The following SLC41A3 variants were observed in gnomAD, a reference collection of about 807,000 sequenced individuals.
The protein encoded by SLC41A3 is solute carrier family 41 member 3.
Under a neutral mutation model 45.4 loss-of-function variants are expected in SLC41A3, and 44 were observed. The observed-to-expected ratio is 0.97, with a 90% CI of 0.76 to 1.25. SLC41A3 has a LOEUF of 1.25. SLC41A3 is among the 50% of genes most tolerant of loss of function. The pLI is 0.00. For synonymous variants in SLC41A3, 256 were observed against 252.4 expected (o/e 1.01, Z -0.13); for missense variants, 550 against 600.6 (o/e 0.92, Z 0.88).
chr3:126,042,134 C>T (rs1942633680), intron 3 of SLC41A3, among the ~76,000 whole-genome samples: 1 of 152,164 alleles, frequency 6.6e-6, no homozygotes, highest in African/African-American at 2.4e-5. Flanking sequence ...ACAGTTTGGA[C>T]ATTAGGATGA....
At chr3:126,084,916 C>G (rs1945343052), upstream of SLC41A3, among the ~76,000 whole-genome samples, 1 of 152,212 alleles carries the variant, frequency 6.6e-6, no homozygotes, top group Non-Finnish European at 1.5e-5. Context: ...CTCATTATCC[C>G]TCTCCTGCAT....
chr3:126,008,810 G>A lies in SLC41A3; in HGVS notation c.1176C>T (p.Ile392=), dbSNP rs535093773. The A allele has an allele frequency of 6.2e-7, 1 of 1,614,188 alleles. No individual in the cohort carries two copies. The highest frequency in any genetic ancestry group is 1.1e-5 in the South Asian group (1 of 91,082). ...CTGACTGACCCTCCACCAGGTAGATGATGTAGAAGAAAATCAGATGGCCTG... is the reference window on the plus strand; with the variant it reads ...CTGACTGACCCTCCACCAGGTAGATAATGTAGAAGAAAATCAGATGGCCTG... The part of the protein sequence containing the change: ...VVPGHLIFFY[I]IYLVEGQSVI... The change falls in exon 10 of 11, where the codon ATC becomes ATT. Residue 392 remains isoleucine, a synonymous_variant. Transcript: ENST00000360370.
rs76345248 is a variant in SLC41A3 at position 126,058,587 on chromosome 3, C to T, written c.274-7537G>A. 6.3e-3 allele frequency among the ~76,000 whole-genome samples: 956 copies of T among 152,306 alleles called. 8 individuals carry two copies. Among genetic ancestry groups the T allele is most frequent in the African/African-American group, 0.022 (905 of 41,568 alleles). Reference sequence around the variant, plus strand: ...GCTGTCCCCCACTCCTGCCCACAGACGCTGCCTTCACCACGGCCCTTTGTC... The same window carrying T: ...GCTGTCCCCCACTCCTGCCCACAGATGCTGCCTTCACCACGGCCCTTTGTC... On this transcript the variant is annotated intron_variant, in intron 2 of 10. Transcript: ENST00000360370.
At chr3:126,099,749 T>G (rs955066003) in intron 1 of SLC41A3, among the ~76,000 whole-genome samples, 1 of 152,196 alleles carries the variant, frequency 6.6e-6, no homozygotes, top group Admixed American at 6.5e-5. Context: ...TGGGAATCAT[T>G]GTTTTAACTC....
intron 8 of SLC41A3, among the ~76,000 whole-genome samples, chr3:126,015,284 G>T (rs1559809442): frequency 6.6e-6 from 1 of 152,180 alleles, no homozygotes; most frequent in African/African-American, 2.4e-5. Flanking sequence ...GAGCTGCTGC[G>T]AACAGTGTGT....
chr3:126,036,412 C>T (rs1942194897), intron 3 of SLC41A3, among the ~76,000 whole-genome samples: 5 of 152,128 alleles, frequency 3.3e-5, no homozygotes, highest in Admixed American at 2.6e-4. Context: ...GGTGTATGAC[C>T]CCTGCACCCT....
At chr3:126,092,582 C>A in intron 1 of SLC41A3, 2 of 153,004 alleles carry the variant, frequency 1.3e-5, no homozygotes, top group South Asian at 3.7e-4. Context: ...GGGTTAGAGT[C>A]TCCCCGACTG....
At chr3:126,033,010 G>C (rs13077514) in intron 4 of SLC41A3, among the ~76,000 whole-genome samples, 43,625 of 151,918 alleles carry the variant, frequency 0.29, 6,418 homozygotes, top group African/African-American at 0.33. Flanking sequence ...TCCTAACTTA[G>C]TGACACTCTG....
intron 2 of SLC41A3, 21 bp downstream of exon 2, chr3:126,067,926 C>T: frequency 6.4e-7 from 1 of 1,564,828 alleles, no homozygotes; most frequent in Non-Finnish European, 8.7e-7. Context: ...CGCTCCCTGT[C>T]CCCATTTAGT....
chr3:126,095,321 G>T, intron 1 of SLC41A3: 1 of 612,790 alleles, frequency 1.6e-6, no homozygotes, highest in African/African-American at 1.9e-5. Flanking sequence ...ATGCTCAGGA[G>T]GACCCCAACT....
Position 126,074,582 on chromosome 3 carries a change from A to G in SLC41A3, c.-27-6336T>C, listed in dbSNP as rs370115225. On this transcript the variant is annotated intron_variant, in intron 1 of 10. Coordinates refer to ENST00000360370, the MANE Select transcript of SLC41A3 (RefSeq NM_017836.4). ...ACACAAACTATTACAGCCAGTAAAC[A>G]AGTTCAGCAAGGTGTAGGACTGGAG... Among the ~76,000 whole-genome samples, 4 of 152,314 alleles carry G rather than the reference A, an allele frequency of 2.6e-5. No individual in the cohort carries two copies. The South Asian group carries it at 6.2e-4, about 24-fold the overall frequency.
chr3:126,053,076 G>A (rs577561964), intron 2 of SLC41A3, among the ~76,000 whole-genome samples: 7 of 152,232 alleles, frequency 4.6e-5, no homozygotes, highest in Admixed American at 1.3e-4. Context: ...TCACACAACC[G>A]TGACGGGACT....
chr3:126,041,546 A>G (rs1007029248), intron 3 of SLC41A3, among the ~76,000 whole-genome samples: 2 of 152,248 alleles, frequency 1.3e-5, no homozygotes, highest in African/African-American at 4.8e-5. Flanking sequence ...GAAGATACTG[A>G]AAGTATAACT....
chr3:126,017,549 G>A (rs1213601928), intron 6 of SLC41A3, among the ~76,000 whole-genome samples: 2 of 152,204 alleles, frequency 1.3e-5, no homozygotes, highest in African/African-American at 4.8e-5. Context: ...TGACACACTC[G>A]GGCATCTCGT....
Position 126,007,306 on chromosome 3 carries a change from GGA to G in SLC41A3, c.1255-83_1255-82del, listed in dbSNP as rs1234773235. On this transcript the variant is annotated intron_variant, in intron 10 of 10. Transcript: ENST00000360370. ...GCAGGAAGCACTAGCTGAGGCTCAAGGAGAGATACCAAGGTGGACAGGTCAAC... is the reference window on the plus strand; with the variant it reads ...GCAGGAAGCACTAGCTGAGGCTCAAGGAGATACCAAGGTGGACAGGTCAAC... The G allele has an allele frequency of 6.8e-6, 10 of 1,465,642 alleles. No individual in the cohort carries two copies. In the African/African-American group the frequency reaches 1.4e-4, roughly 21 times the overall value. The allele number at this position is 1,465,642 out of a possible 1,614,324, so 90.8% of individuals were successfully genotyped here.
chr3:126,016,908 G>A (rs113587211), intron 6 of SLC41A3, 33 bp from the exon 7 acceptor site: 43,918 of 1,604,382 alleles, frequency 0.027, 755 homozygotes, highest in Non-Finnish European at 0.032. Context: ...CGCAGCTCAT[G>A]TGGCCAAGGC....
intron 3 of SLC41A3, among the ~76,000 whole-genome samples, chr3:126,035,235 C>A (rs116323409): frequency 6.6e-6 from 1 of 152,208 alleles, no homozygotes. Context: ...TCCAAAAACT[C>A]GGAGGCTTGG....
At chr3:126,096,983 G>T (rs1945616171) in intron 1 of SLC41A3, among the ~76,000 whole-genome samples, 1 of 152,212 alleles carries the variant, frequency 6.6e-6, no homozygotes, top group African/African-American at 2.4e-5. Flanking sequence ...TTCCAGAAAA[G>T]GAATGGAAGT....
At position 126,037,729 on chromosome 3, in the gene SLC41A3, C is replaced by T. The variant is rs572598268; in HGVS notation, c.382-4051G>A. Among the ~76,000 whole-genome samples, 252 of 152,268 alleles carry T rather than the reference C, an allele frequency of 1.7e-3. 1 individual carries two copies. Among genetic ancestry groups the T allele is most frequent in the Non-Finnish European group, 3.2e-3 (218 of 68,022 alleles). ...GCATACATTTTTGAAAAATTTGCAGCCTGGTCCTGTGGTAGAAAAGGAATC... is the reference window on the plus strand; with the variant it reads ...GCATACATTTTTGAAAAATTTGCAGTCTGGTCCTGTGGTAGAAAAGGAATC... On this transcript the variant is annotated intron_variant, in intron 3 of 10. Transcript: ENST00000360370.
Sources: allele counts gnomAD v4.1 joint callset (sites outside exome capture counted in the v4.1 genomes callset), GRCh38; gene constraint gnomAD v4.1.1; transcripts MANE v1.5; gene names NCBI Gene and HGNC (gene_info 2026-07-23, HGNC 2026-07-21).